Variants in EXOC6B observed in about 807,000 individuals in gnomAD.
EXOC6B encodes exocyst complex component 6B, also known as SEC15 homolog B.
Under a neutral mutation model 113.5 loss-of-function variants are expected in EXOC6B, and 54 were observed. That is an observed-to-expected ratio of 0.48 (90% CI 0.38 to 0.60). EXOC6B has a LOEUF of 0.60. Among genes scored for constraint, EXOC6B ranks in the 20% least tolerant of loss-of-function variants. The pLI, the probability that EXOC6B is intolerant of heterozygous loss-of-function variation, is 0.00. For synonymous variants in EXOC6B, 357 were observed against 339.0 expected, an observed-to-expected ratio of 1.05 and a Z score of -0.58; for missense variants, 797 against 977.5, an observed-to-expected ratio of 0.82 and a Z score of 2.46.
intron 6 of EXOC6B, among the ~76,000 whole-genome samples, chr2:72,609,047 T>C (rs1330073411): frequency 6.6e-6 from 1 of 152,114 alleles, no homozygotes; most frequent in Non-Finnish European, 1.5e-5. Context: ...CACCTTCCAA[T>C]TACCACCTCA....
chr2:72,404,643 G>C (rs1171444650), intron 18 of EXOC6B, among the ~76,000 whole-genome samples: 1 of 152,176 alleles, frequency 6.6e-6, no homozygotes, highest in Non-Finnish European at 1.5e-5. Flanking sequence ...CTGCAGCTGA[G>C]GGTCCCGACT....
chr2:72,214,359 C>T (rs1294067144), intron 20 of EXOC6B, among the ~76,000 whole-genome samples: 5 of 151,838 alleles, frequency 3.3e-5, no homozygotes, highest in Non-Finnish European at 7.4e-5. Flanking sequence ...GGCGTGGTGG[C>T]GGGCACCTGT....
intron 20 of EXOC6B, among the ~76,000 whole-genome samples, chr2:72,315,714 C>A (rs1001723105): frequency 1.3e-5 from 2 of 152,060 alleles, no homozygotes. Context: ...TCCATAGTTT[C>A]TAGTCCTAGA....
intron 9 of EXOC6B, 127 bp downstream of exon 9, chr2:72,514,915 CA>C: frequency 1.1e-6 from 1 of 879,102 alleles, no homozygotes; most frequent in Non-Finnish European, 1.8e-6. Flanking sequence ...TCACATCCAC[CA>C]AAAGTGGTCT....
At chr2:72,586,866 C>G (rs1432880488) in intron 6 of EXOC6B, among the ~76,000 whole-genome samples, 2 of 151,734 alleles carry the variant, frequency 1.3e-5, no homozygotes, top group African/African-American at 4.9e-5. Context: ...AATGAGGTAC[C>G]ATCTCACACC....
chr2:72,427,090 G>A (rs1695239524), intron 18 of EXOC6B, among the ~76,000 whole-genome samples: 1 of 152,234 alleles, frequency 6.6e-6, no homozygotes, highest in South Asian at 2.1e-4. Context: ...TGGGCCTGGG[G>A]CAGTGTGATG....
At chr2:72,314,244 C>T (rs1390035503) in intron 20 of EXOC6B, among the ~76,000 whole-genome samples, 2 of 152,140 alleles carry the variant, frequency 1.3e-5, no homozygotes, top group Non-Finnish European at 2.9e-5. Flanking sequence ...TTGTCACAAT[C>T]GCCTGGTTAT....
chr2:72,442,525 T>A (rs1426583826), intron 18 of EXOC6B, among the ~76,000 whole-genome samples: 2 of 152,182 alleles, frequency 1.3e-5, no homozygotes, highest in Non-Finnish European at 1.5e-5. Context: ...CTTAAGCTGA[T>A]AAACAACTTC....
At chr2:72,455,928 G>A (rs112756491) in intron 18 of EXOC6B, among the ~76,000 whole-genome samples, 10 of 152,108 alleles carry the variant, frequency 6.6e-5, no homozygotes, top group Non-Finnish European at 1.5e-4. Context: ...AATGTTAAGA[G>A]ACAGCTTGAT....
At chr2:72,211,601 T>C (rs1680195203) in intron 20 of EXOC6B, among the ~76,000 whole-genome samples, 1 of 152,202 alleles carries the variant, frequency 6.6e-6, no homozygotes, top group African/African-American at 2.4e-5. Context: ...CTGGGTTTTA[T>C]GGTGATTTCA....
chr2:72,514,732 G>A (rs1432161334), intron 9 of EXOC6B, 52 bp from the exon 10 acceptor site: 4 of 1,188,406 alleles, frequency 3.4e-6, no homozygotes, highest in Non-Finnish European at 3.6e-6. Flanking sequence ...GTTACATTAA[G>A]ACTAAGTTAA....
At chr2:72,819,793 A>G (rs1014209751) in intron 1 of EXOC6B, among the ~76,000 whole-genome samples, 9 of 152,218 alleles carry the variant, frequency 5.9e-5, no homozygotes, top group African/African-American at 2.2e-4. Flanking sequence ...AGCATCATTC[A>G]TGCTACCTGC....
At chr2:72,482,020 T>G (rs961821613) in intron 16 of EXOC6B, among the ~76,000 whole-genome samples, 2 of 152,202 alleles carry the variant, frequency 1.3e-5, no homozygotes. Context: ...GAAAATGAAG[T>G]GATTTTCTTT....
At chr2:72,651,063 CA>C (rs1297138973) in intron 6 of EXOC6B, among the ~76,000 whole-genome samples, 1 of 152,044 alleles carries the variant, frequency 6.6e-6, no homozygotes, top group Non-Finnish European at 1.5e-5. Flanking sequence ...GTGAATCAAC[CA>C]GTCAATAACA....
chr2:72,351,198 A>T (rs1190548159), intron 19 of EXOC6B, among the ~76,000 whole-genome samples: 1 of 152,228 alleles, frequency 6.6e-6, no homozygotes, highest in Non-Finnish European at 1.5e-5. Context: ...AGAGAATGAC[A>T]GAAAGAAGAA....
chr2:72,707,381 T>A (rs537338125), intron 6 of EXOC6B, among the ~76,000 whole-genome samples: 1 of 152,098 alleles, frequency 6.6e-6, no homozygotes, highest in East Asian at 1.9e-4. Flanking sequence ...TTCTACCTTA[T>A]AGTCCTATTA....
intron 6 of EXOC6B, among the ~76,000 whole-genome samples, chr2:72,587,122 T>C (rs532107058): frequency 3.2e-4 from 49 of 152,306 alleles, no homozygotes; most frequent in South Asian, 2.1e-4. Flanking sequence ...CACATGTTCA[T>C]TGCAGCACTA....
At chr2:72,632,495 T>C (rs879289946) in intron 6 of EXOC6B, among the ~76,000 whole-genome samples, 9 of 152,198 alleles carry the variant, frequency 5.9e-5, no homozygotes, top group Admixed American at 3.9e-4. Flanking sequence ...TATGGTTATA[T>C]AGTTGGTATT....
At chr2:72,351,335 T>G (rs556484884) in intron 19 of EXOC6B, among the ~76,000 whole-genome samples, 3 of 152,352 alleles carry the variant, frequency 2.0e-5, no homozygotes, top group Non-Finnish European at 2.9e-5. Context: ...GTCATTTGGC[T>G]TAACAATAGC....
Sources: gnomAD v4.1 joint callset for allele counts (sites outside exome capture counted in the v4.1 genomes callset) on GRCh38, gnomAD v4.1.1 for gene constraint, MANE v1.5 for transcripts, NCBI Gene and HGNC (gene_info 2026-07-23, HGNC 2026-07-21) for gene names.